Variants in PAX2 observed in about 807,000 individuals in gnomAD.
The protein encoded by PAX2 is paired box 2.
A neutral mutation model predicts 41.7 loss-of-function variants in PAX2; 9 were observed. The ratio of observed to expected loss-of-function variants is 0.22; its 90% CI spans 0.13 to 0.38. PAX2 has a LOEUF of 0.38. Ranked by LOEUF, PAX2 falls within the 10% of genes least tolerant of loss-of-function variation. The pLI is 1.00. For synonymous variants in PAX2, 221 were observed against 212.7 expected (o/e 1.04, Z -0.34); for missense variants, 418 against 531.6 (o/e 0.79, Z 2.10).
At chr10:100,747,711 T>TA in intron 1 of PAX2, 1 of 984,904 alleles carries the variant, frequency 1.0e-6, no homozygotes, top group Non-Finnish European at 1.2e-6. Flanking sequence ...TATATTTTTC[T>TA]AAGTAATTTC....
upstream of PAX2, among the ~76,000 whole-genome samples, chr10:100,740,741 C>CT (rs1332353811): frequency 1.3e-5 from 2 of 148,240 alleles, no homozygotes; most frequent in Non-Finnish European, 3.0e-5. Flanking sequence ...GTGGCTGTCA[C>CT]TTTTTCCTGT....
At chr10:100,817,599 A>G (rs949786466) in intron 7 of PAX2, among the ~76,000 whole-genome samples, 52 of 152,302 alleles carry the variant, frequency 3.4e-4, no homozygotes, top group Non-Finnish European at 1.5e-4. Context: ...TGCCTAGGAC[A>G]CACCAGGGAT....
chr10:100,760,988 TGGGACTC>T (rs1845820310), intron 3 of PAX2, among the ~76,000 whole-genome samples: 1 of 152,112 alleles, frequency 6.6e-6, no homozygotes, highest in Non-Finnish European at 1.5e-5. Context: ...TGACTGGGGT[TGGGACTC>T]GGGTTCCTAC....
In PAX2 at chr10:100,746,208, T is replaced by A; in HGVS notation, c.-53T>A. 1 of 1,613,458 alleles carries A rather than the reference T, an allele frequency of 6.2e-7. No homozygotes were observed. Among genetic ancestry groups the A allele is most frequent in the Non-Finnish European group, 8.5e-7 (1 of 1,179,698 alleles). On this transcript the variant is annotated 5_prime_UTR_variant, in exon 1 of 10. Transcript: ENST00000355243. The stretch of plus-strand genomic sequence containing the variant: ...TCTCCTCAAGTCCTGAAGTTGAGTT[T>A]GAGAGGCGACACGGCGGCGGCGGCC...
chr10:100,787,030 A>G, intron 5 of PAX2: 1 of 1,351,414 alleles, frequency 7.4e-7, no homozygotes, highest in Non-Finnish European at 1.0e-6. Flanking sequence ...GCCAGAGGGA[A>G]CATGGCGTGG....
rs1330643233 is a variant in PAX2 at position 100,748,424 on chromosome 10, A to AC, written c.44-1316dup. 5 of 984,476 alleles carry AC rather than the reference A, an allele frequency of 5.1e-6. No individual in the cohort carries two copies. The highest frequency in any genetic ancestry group is 6.2e-5 in the Admixed American group (1 of 16,198). 61.0% of individuals were successfully genotyped at this position (984,476 alleles called of 1,614,324 possible). A position where few individuals can be genotyped will look rare whatever the true frequency, so the allele number is the denominator to read the frequency against. On this transcript the variant is annotated intron_variant, in intron 1 of 9. Coordinates refer to ENST00000355243, the MANE Select transcript of PAX2 (RefSeq NM_000278.5). This position sits in a 1 kb window ranked among gnomAD's most constrained non-coding sequence, Gnocchi z 5.0. ...GGGTTTCACCGAGCTTGCTCTAGGT[A>AC]CCCCCCGAGAAAGGGAGGGGAGAGA...
At chr10:100,769,669 TAAA>T (rs1009617472) in intron 3 of PAX2, among the ~76,000 whole-genome samples, 20 of 143,246 alleles carry the variant, frequency 1.4e-4, no homozygotes, top group Admixed American at 2.8e-4. Context: ...TAAAATAAAA[TAAA>T]AAAATAAAAA....
chr10:100,750,637 C>T lies in PAX2; in HGVS notation c.213-57C>T, dbSNP rs1023778954. On this transcript the variant is annotated intron_variant, in intron 2 of 9. Transcript: ENST00000355243. The surrounding 1 kb of genome is among the most constrained non-coding windows in gnomAD (Gnocchi z 4.1). ...GGCTCAGCAGCTCTGGAACCTGCAG[C>T]CCCCCTGCCCCGCCACAGTCCGCTT... 5 of 1,466,344 alleles carry T rather than the reference C, an allele frequency of 3.4e-6. No homozygotes were observed. In the African/African-American group the frequency reaches 4.2e-5, roughly 12 times the overall value. 90.8% of individuals were successfully genotyped at this position (1,466,344 alleles called of 1,614,324 possible).
rs11190719 is a variant in PAX2, at chr10:100,829,577, C to A, written c.*1958C>A. 36,781 of 207,372 alleles carry A rather than the reference C, an allele frequency of 0.18. 3,688 individuals carry two copies. Among genetic ancestry groups the A allele is most frequent in the Middle Eastern group, 0.28 (180 of 638 alleles). The allele number at this position is 207,372 out of a possible 1,614,324, so 12.8% of individuals were successfully genotyped here. A position where few individuals can be genotyped will look rare whatever the true frequency, so the allele number is the denominator to read the frequency against. ...AATAAAGTGAAAATAAATAAAAATC[C>A]TTGAACAAATCCGAAAAGGCTTGGA... is the stretch of plus-strand genomic sequence containing the variant. On this transcript the variant is annotated 3_prime_UTR_variant, in exon 10 of 10. Transcript: ENST00000355243.
In PAX2 at chr10:100,746,080, G is replaced by T; in HGVS notation, c.-181G>T. On this transcript the variant is annotated 5_prime_UTR_variant, in exon 1 of 10. Transcript: ENST00000355243. ...TGCAGTTGCAAGCTCCGGCCAACCC[G>T]GAGGAGCCCCAGCGGGGAGCGCAGT... is the stretch of plus-strand genomic sequence containing the variant. 1 of 1,501,156 alleles carries T rather than the reference G, an allele frequency of 6.7e-7. No homozygotes were observed. The highest frequency in any genetic ancestry group is 8.8e-7 in the Non-Finnish European group (1 of 1,134,726). 93.0% of individuals were successfully genotyped at this position (1,501,156 alleles called of 1,614,324 possible).
rs539864399 is a variant in PAX2 at position 100,829,434 on chromosome 10, C to A, written c.*1815C>A. ...GCGGGCGTGCCCCGCGCGCCCCGGG[C>A]GGCCGAAGGCCGGGCCGCCCCGTCC... is the stretch of plus-strand genomic sequence containing the variant. On this transcript the variant is annotated 3_prime_UTR_variant, in exon 10 of 10. Transcript: ENST00000355243. 90 of 205,808 alleles carry A rather than the reference C, an allele frequency of 4.4e-4. No individual in the cohort carries two copies. The highest frequency in any genetic ancestry group is 8.3e-4 in the Non-Finnish European group (83 of 100,318). The allele number at this position is 205,808 out of a possible 1,614,324, so 12.7% of individuals were successfully genotyped here.
chr10:100,745,106 G>C (rs976573871), upstream of PAX2, among the ~76,000 whole-genome samples: 15 of 152,084 alleles, frequency 9.9e-5, no homozygotes, highest in Non-Finnish European at 1.6e-4. Flanking sequence ...CGGCCCAGGC[G>C]GGCACTGGCC....
rs147275000 is a variant in PAX2 at position 100,828,616 on chromosome 10, T to TA, written c.*998dup. The TA allele has an allele frequency of 0.015, 3,540 of 233,204 alleles. 136 individuals carry two copies. Among genetic ancestry groups the TA allele is most frequent in the African/African-American group, 0.074 (3,361 of 45,366 alleles). The allele number at this position is 233,204 out of a possible 1,614,324, so 14.4% of individuals were successfully genotyped here. On this transcript the variant is annotated 3_prime_UTR_variant, in exon 10 of 10. Transcript: ENST00000355243. This position sits in a 1 kb window ranked among gnomAD's most constrained non-coding sequence, Gnocchi z 6.5. ...CGGACTGGGGTCTTCCTCCAGCAGT[T>TA]ACTTGATGCCCCCTCCCCCGACACA...
chr10:100,750,969 TCTGCTCTTTGTCCAGC>T lies in PAX2; in HGVS notation c.410+81_410+96del. 1 of 1,114,990 alleles carries T rather than the reference TCTGCTCTTTGTCCAGC, an allele frequency of 9.0e-7. No homozygotes were observed. Among genetic ancestry groups the T allele is most frequent in the Non-Finnish European group, 1.4e-6 (1 of 733,090 alleles). 69.1% of individuals were successfully genotyped at this position (1,114,990 alleles called of 1,614,324 possible). ...CTGCAGGGGTGTCCCACGCCCAGTC[TCTGCTCTTTGTCCAGC>T]CTCTGCCCTTTCTCCCTGCTTCCAG... On this transcript the variant is annotated intron_variant, in intron 3 of 9. Transcript: ENST00000355243. The surrounding 1 kb of genome is among the most constrained non-coding windows in gnomAD (Gnocchi z 4.1).
intron 4 of PAX2, among the ~76,000 whole-genome samples, chr10:100,780,496 G>A (rs958257937): frequency 2.6e-5 from 4 of 152,204 alleles, no homozygotes. Flanking sequence ...CCAGGAGTTG[G>A]CAGGAGCTGT....
At chr10:100,753,715 C>T (rs1845531266) in intron 3 of PAX2, among the ~76,000 whole-genome samples, 1 of 152,226 alleles carries the variant, frequency 6.6e-6, no homozygotes, top group Non-Finnish European at 1.5e-5. Context: ...CTTCTCCTTC[C>T]CAAAACAGAT....
At chr10:100,751,440 C>T (rs929418687) in intron 3 of PAX2, among the ~76,000 whole-genome samples, 1 of 152,220 alleles carries the variant, frequency 6.6e-6, no homozygotes, top group African/African-American at 2.4e-5. Flanking sequence ...TGCCAACCAC[C>T]AGCCAGCAAC....
chr10:100,803,158 A>ACCC lies in PAX2; in HGVS notation c.617-3272_617-3271insCCC, dbSNP rs1451927852. Among the ~76,000 whole-genome samples, 968 of 152,064 alleles carry ACCC rather than the reference A, an allele frequency of 6.4e-3. 14 individuals carry two copies. Among genetic ancestry groups the ACCC allele is most frequent in the African/African-American group, 0.022 (928 of 41,460 alleles). On this transcript the variant is annotated intron_variant, in intron 5 of 9. Transcript: ENST00000355243. ...ACCCTCATCCAGGCCCTGGGCAGAG[A>ACCC]AGGTATCAGGACACCCAGTCTTCAG... is the stretch of plus-strand genomic sequence containing the variant.
At chr10:100,745,302 C>A (rs1289755435), upstream of PAX2, among the ~76,000 whole-genome samples, 3 of 152,136 alleles carry the variant, frequency 2.0e-5, no homozygotes, top group Non-Finnish European at 4.4e-5. Flanking sequence ...CATTCCCCCT[C>A]CCCCGGTCCG....
Sources: gnomAD v4.1 joint callset for allele counts (sites outside exome capture counted in the v4.1 genomes callset) on GRCh38, gnomAD v4.1.1 for gene constraint, Gnocchi (gnomAD v3.1) non-coding constraint, MANE v1.5 for transcripts, NCBI Gene and HGNC (gene_info 2026-07-23, HGNC 2026-07-21) for gene names.